Variants in RGS12 observed in about 807,000 individuals in gnomAD.
RGS12 encodes regulator of G protein signaling 12, also known as regulator of G-protein signaling 12.
In RGS12, 66 loss-of-function variants were observed where a neutral mutation model predicts 120.1. That is an observed-to-expected ratio of 0.55 (90% confidence interval 0.45 to 0.67). RGS12 has a LOEUF of 0.67. Among genes scored for constraint, RGS12 ranks in the 30% least tolerant of loss-of-function variants. RGS12 has a pLI of 0.00. For synonymous variants in RGS12, 827 were observed against 804.7 expected, an observed-to-expected ratio of 1.03 and a Z score of -0.47; for missense variants, 1,859 against 1,957.7, an observed-to-expected ratio of 0.95 and a Z score of 0.95.
At chr4:3,404,985 G>T (rs955872612) in intron 4 of RGS12, among the ~76,000 whole-genome samples, 9 of 152,234 alleles carry the variant, frequency 5.9e-5, no homozygotes, top group African/African-American at 2.2e-4. Flanking sequence ...GTGCCAGCCT[G>T]AAGGAGGGAC....
Position 3,423,465 on chromosome 4 carries a change from C to CAT in RGS12, c.3108-50_3108-49insAT, listed in dbSNP as rs780367754. The CAT allele has an allele frequency of 2.5e-6, 4 of 1,607,796 alleles. No homozygotes were observed. The South Asian group carries it at 4.4e-5, about 18-fold the overall frequency. ...TAGTTCTGCTCGTGAGACTGATCTC[C>CAT]TAATGAGGGCTGACATGAGTTGGTA... On this transcript the variant is annotated intron_variant, in intron 12 of 17. Coordinates refer to ENST00000336727, the MANE Select transcript of RGS12 (RefSeq NM_001394154.1).
intron 2 of RGS12, among the ~76,000 whole-genome samples, chr4:3,337,421 G>T (rs1453211733): frequency 3.3e-5 from 5 of 152,222 alleles, no homozygotes; most frequent in African/African-American, 1.2e-4. Flanking sequence ...TTATACACAT[G>T]TTCATAGCAG....
intron 1 of RGS12, among the ~76,000 whole-genome samples, chr4:3,296,533 T>C: frequency 6.6e-6 from 1 of 152,228 alleles, no homozygotes; most frequent in East Asian, 1.9e-4. Flanking sequence ...ATAATCTCCT[T>C]GTCCTGGGAG....
rs1458748708 is a variant in RGS12, at chr4:3,309,479, C to T, written c.-101-6591C>T. Among the ~76,000 whole-genome samples the T allele has an allele frequency of 6.2e-5, 8 of 128,156 alleles. No homozygotes were observed. The South Asian group carries it at 1.8e-3, about 29-fold the overall frequency. 84.1% of individuals were successfully genotyped at this position (128,156 alleles called of 152,430 possible). A position where few individuals can be genotyped will look rare whatever the true frequency, so the allele number is the denominator to read the frequency against. On this transcript the variant is annotated intron_variant, in intron 1 of 17. Coordinates refer to ENST00000336727, the MANE Select transcript of RGS12 (RefSeq NM_001394154.1). Reference sequence around the variant, plus strand: ...ATGGCAGGTGTCCGCTGAGGGGAACCGTGTGGGGGAGGAGCTGGGACCCGG... The same window carrying T: ...ATGGCAGGTGTCCGCTGAGGGGAACTGTGTGGGGGAGGAGCTGGGACCCGG...
rs1357300231 is a variant in RGS12 at position 3,433,116 on chromosome 4, G to T, written c.4114+2161G>T. On this transcript the variant is annotated intron_variant, in intron 17 of 17. Transcript: ENST00000336727. This position sits in a 1 kb window ranked among gnomAD's most constrained non-coding sequence, Gnocchi z 4.4. ...GCCTGATGGAACCTCTTTCACATCT[G>T]TGGGCCGGGGCGAGCCTGGACTGAG... 2.0e-5 allele frequency among the ~76,000 whole-genome samples: 3 copies of T among 152,238 alleles called. No individual in the cohort carries two copies. Among genetic ancestry groups the T allele is most frequent in the South Asian group, 2.1e-4 (1 of 4,836 alleles).
rs1233626506 is a variant in RGS12 at position 3,428,167 on chromosome 4, A to G, written c.3409A>G (p.Thr1137Ala). The change falls in exon 15 of 18, where the codon ACG (threonine) becomes GCG (alanine). Residue 1137 changes from threonine to alanine, a missense_variant and splice_region_variant. Thr to Ala is a moderately conservative substitution (Grantham distance 58, BLOSUM62 0). Transcript: ENST00000336727. ...VNSSSRNHSA[T>A]GEERTLGKSN... ...TTCCAGCTCCAGAAACCACTCGGCT[A>G]CGGTAATTCCCCACCCTGGCCCACC... is the stretch of plus-strand genomic sequence containing the variant. The G allele has an allele frequency of 2.5e-6, 4 of 1,613,252 alleles. No individual in the cohort carries two copies. The Admixed American group carries it at 6.7e-5, about 27-fold the overall frequency.
At chr4:3,395,620 C>T (rs1475974990) in intron 4 of RGS12, among the ~76,000 whole-genome samples, 1 of 152,216 alleles carries the variant, frequency 6.6e-6, no homozygotes, top group Non-Finnish European at 1.5e-5. Flanking sequence ...TAGCCACATA[C>T]ATAGGGCTTT....
At chr4:3,287,845 G>A in the RGS12 span, among the ~76,000 whole-genome samples, 1 of 152,238 alleles carries the variant, frequency 6.6e-6, no homozygotes, top group Admixed American at 6.5e-5. Context: ...GTGCAGGCAA[G>A]GGGCTGGCAG....
chr4:3,302,768 G>C (rs1723755662), intron 1 of RGS12, among the ~76,000 whole-genome samples: 1 of 152,198 alleles, frequency 6.6e-6, no homozygotes, highest in African/African-American at 2.4e-5. Flanking sequence ...TGGGGGTGTT[G>C]GAGGAGTCAT....
chr4:3,340,866 G>A (rs144595169), intron 2 of RGS12, among the ~76,000 whole-genome samples: 1 of 152,292 alleles, frequency 6.6e-6, no homozygotes, highest in Non-Finnish European at 1.5e-5. Context: ...TGTGCCACTA[G>A]TGCCTTGGAG....
intron 3 of RGS12, among the ~76,000 whole-genome samples, chr4:3,347,986 A>G (rs1713979919): frequency 1.3e-5 from 2 of 152,246 alleles, no homozygotes; most frequent in African/African-American, 2.4e-5. Flanking sequence ...AGTGTTTTTT[A>G]TACAATTTAC....
chr4:3,329,596 G>A (rs1056242654), intron 2 of RGS12, among the ~76,000 whole-genome samples: 6 of 143,334 alleles, frequency 4.2e-5, no homozygotes, highest in Admixed American at 4.1e-4. Flanking sequence ...GCAGGGAGGG[G>A]AACAGTGCGG....
chr4:3,370,292 A>G (rs752363112), intron 3 of RGS12: 1 of 1,614,058 alleles, frequency 6.2e-7, no homozygotes, highest in Non-Finnish European at 8.5e-7. Flanking sequence ...AGAGTTGTCA[A>G]ACGAAACCCA....
intron 4 of RGS12, among the ~76,000 whole-genome samples, chr4:3,393,151 C>CT (rs1357450711): frequency 6.6e-6 from 1 of 152,166 alleles, no homozygotes; most frequent in Non-Finnish European, 1.5e-5. Flanking sequence ...CAGTTCTTGA[C>CT]TGAGTGCTGA....
intron 2 of RGS12, among the ~76,000 whole-genome samples, chr4:3,338,809 G>A (rs1707150024): frequency 6.6e-6 from 1 of 152,200 alleles, no homozygotes; most frequent in African/African-American, 2.4e-5. Context: ...TGGTCTTTTA[G>A]GCCATTTTTA....
intron 3 of RGS12, among the ~76,000 whole-genome samples, chr4:3,355,894 A>G (rs1357545191): frequency 6.6e-6 from 1 of 151,786 alleles, no homozygotes; most frequent in Non-Finnish European, 1.5e-5. Context: ...AGGTTGCTAG[A>G]TATATGGTTA....
chr4:3,300,187 C>A (rs764343756), intron 1 of RGS12, among the ~76,000 whole-genome samples: 1 of 152,236 alleles, frequency 6.6e-6, no homozygotes, highest in Non-Finnish European at 1.5e-5. Flanking sequence ...GCCTCGGAGG[C>A]GCCCAGGCCT....
chr4:3,423,154 C>T (rs112420198), intron 12 of RGS12, among the ~76,000 whole-genome samples, 176 bp downstream of exon 12: 19 of 152,266 alleles, frequency 1.2e-4, no homozygotes, highest in African/African-American at 3.9e-4. Flanking sequence ...CCTACAAGCC[C>T]GGGGGTGAGA....
intron 4 of RGS12, among the ~76,000 whole-genome samples, chr4:3,406,124 G>A (rs980960123): frequency 9.2e-5 from 14 of 152,302 alleles, no homozygotes; most frequent in Middle Eastern, 6.8e-3. Context: ...CCTGCCAGCC[G>A]CAGATGGACA....
Sources: allele counts gnomAD v4.1 joint callset (sites outside exome capture counted in the v4.1 genomes callset), GRCh38; gene constraint gnomAD v4.1.1; non-coding constraint Gnocchi (gnomAD v3.1); transcripts MANE v1.5; gene names NCBI Gene and HGNC (gene_info 2026-07-23, HGNC 2026-07-21).